The following FGF10 variants were observed in gnomAD, a reference collection of about 807,000 sequenced individuals.
FGF10 encodes the protein FGF-10.
FGF10 carries 2 observed loss-of-function variants against 19.8 expected under a neutral mutation model. That is an observed-to-expected ratio of 0.10 (90% CI 0.04 to 0.32). The LOEUF is 0.32. FGF10 is among the 10% of genes least tolerant of loss of function. The pLI, the probability that FGF10 is intolerant of heterozygous loss-of-function variation, is 1.00. For synonymous variants in FGF10, 112 were observed against 94.0 expected (o/e 1.19, Z -1.10); for missense variants, 191 against 246.3 (o/e 0.78, Z 1.50).
intron 1 of FGF10, among the ~76,000 whole-genome samples, chr5:44,354,951 C>T (rs17227739): frequency 0.013 from 1,989 of 151,454 alleles, 83 homozygotes; most frequent in East Asian, 0.12. Flanking sequence ...ATTATAATAC[C>T]AGTTCCCTTT....
At chr5:44,305,578 G>A (rs1010918579) in intron 2 of FGF10, among the ~76,000 whole-genome samples, 4 of 152,002 alleles carry the variant, frequency 2.6e-5, no homozygotes, top group African/African-American at 9.7e-5. Flanking sequence ...AATAACCAGG[G>A]GCCCCATGGG....
intron 1 of FGF10, among the ~76,000 whole-genome samples, chr5:44,385,288 C>A (rs1742072490): frequency 6.6e-6 from 1 of 152,010 alleles, no homozygotes; most frequent in South Asian, 2.1e-4. Context: ...TAATAATCAC[C>A]CATATAGAGA....
rs1371960263 is a variant in FGF10, at chr5:44,304,001, CT to C, written c.*993del. On this transcript the variant is annotated 3_prime_UTR_variant, in exon 3 of 3. Transcript: ENST00000264664. ...TTTTTAGTATATTCTTGGAGGCAAA[CT>C]GATGTATTGAAAGAGAAGAATTTGG... is the stretch of plus-strand genomic sequence containing the variant. 1 of 152,036 alleles carries C rather than the reference CT, an allele frequency of 6.6e-6. No homozygotes were observed. Among genetic ancestry groups the C allele is most frequent in the Non-Finnish European group, 1.5e-5 (1 of 68,004 alleles). The allele number at this position is 152,036 out of a possible 1,614,324, so 9.4% of individuals were successfully genotyped here. A position where few individuals can be genotyped will look rare whatever the true frequency, so the allele number is the denominator to read the frequency against.
At chr5:44,339,079 AG>A (rs1218051905) in intron 1 of FGF10, among the ~76,000 whole-genome samples, 4 of 152,224 alleles carry the variant, frequency 2.6e-5, no homozygotes, top group Non-Finnish European at 5.9e-5. Flanking sequence ...AAGCGATCAA[AG>A]CACACAATGA....
chr5:44,316,318 G>A (rs1008883655), intron 1 of FGF10, among the ~76,000 whole-genome samples: 2 of 152,148 alleles, frequency 1.3e-5, no homozygotes, highest in Non-Finnish European at 1.5e-5. Flanking sequence ...TCATAGGGTT[G>A]CAAAGAATCT....
rs532903103 is a variant in FGF10, at chr5:44,333,870, G to A, written c.326-23340C>T. ...CATTTTTATTCGATCTGTGAGGAGC[G>A]TGGCTGTAGGAAGAGGCAGCGGGAG... On this transcript the variant is annotated intron_variant, in intron 1 of 2. Coordinates refer to ENST00000264664, the MANE Select transcript of FGF10 (RefSeq NM_004465.2). Among the ~76,000 whole-genome samples the A allele has an allele frequency of 2.3e-4, 35 of 152,150 alleles. No individual in the cohort carries two copies. In the South Asian group the frequency reaches 5.2e-3, roughly 23 times the overall value.
intron 1 of FGF10, among the ~76,000 whole-genome samples, chr5:44,333,585 T>C (rs557911488): frequency 1.3e-5 from 2 of 152,300 alleles, no homozygotes; most frequent in African/African-American, 4.8e-5. Context: ...TTCTCCATTA[T>C]ATACATAAGG....
At chr5:44,330,411 T>C (rs1320954506) in intron 1 of FGF10, among the ~76,000 whole-genome samples, 1 of 152,162 alleles carries the variant, frequency 6.6e-6, no homozygotes. Flanking sequence ...CTACCAAACA[T>C]CTGGGAAATA....
intron 1 of FGF10, among the ~76,000 whole-genome samples, chr5:44,338,835 T>C (rs1411481597): frequency 6.6e-6 from 1 of 152,200 alleles, no homozygotes; most frequent in Non-Finnish European, 1.5e-5. Flanking sequence ...GTTATTGTTA[T>C]TGAGCGAGGA....
At chr5:44,385,858 T>C (rs1008308497) in intron 1 of FGF10, among the ~76,000 whole-genome samples, 1 of 152,184 alleles carries the variant, frequency 6.6e-6, no homozygotes, top group Non-Finnish European at 1.5e-5. Context: ...CCTGGCCACA[T>C]GTGAAATTAA....
chr5:44,302,117 G>C lies in FGF10; in HGVS notation c.*2878C>G, dbSNP rs750617091. 1.3e-5 allele frequency among the ~76,000 whole-genome samples: 2 copies of C among 149,576 alleles called. No individual in the cohort carries two copies. The highest frequency in any genetic ancestry group is 2.5e-5 in the African/African-American group (1 of 40,532). On this transcript the variant is annotated 3_prime_UTR_variant, in exon 3 of 3. Transcript: ENST00000264664. Reference sequence around the variant, plus strand: ...ATCTACAACATTCAGGGCTGAAACTGCTTTTTTTTTTCTTCAGTAGTTGCA... The same window carrying C: ...ATCTACAACATTCAGGGCTGAAACTCCTTTTTTTTTTCTTCAGTAGTTGCA...
rs114290697 is a variant in FGF10, at chr5:44,339,913, C to G, written c.326-29383G>C. Among the ~76,000 whole-genome samples, 619 of 152,238 alleles carry G rather than the reference C, an allele frequency of 4.1e-3. 4 individuals are homozygous for G. The highest frequency in any genetic ancestry group is 0.014 in the African/African-American group (593 of 41,550). Reference sequence around the variant, plus strand: ...AATTAAGGTAGAACTTTGCTCATTTCTCTTGAGTTGAACTTTCTTTCTCCA... The same window carrying G: ...AATTAAGGTAGAACTTTGCTCATTTGTCTTGAGTTGAACTTTCTTTCTCCA... On this transcript the variant is annotated intron_variant, in intron 1 of 2. Transcript: ENST00000264664.
At chr5:44,323,429 A>G (rs922628363) in intron 1 of FGF10, among the ~76,000 whole-genome samples, 3 of 152,216 alleles carry the variant, frequency 2.0e-5, no homozygotes, top group Non-Finnish European at 4.4e-5. Flanking sequence ...CTGACATTAT[A>G]GTACAGATAA....
chr5:44,388,824 A>G lies in FGF10; in HGVS notation c.-142T>C. 1 of 795,886 alleles carries G rather than the reference A, an allele frequency of 1.3e-6. No homozygotes were observed. The highest frequency in any genetic ancestry group is 2.2e-6 in the Non-Finnish European group (1 of 461,218). The allele number at this position is 795,886 out of a possible 1,614,324, so 49.3% of individuals were successfully genotyped here. The stretch of plus-strand genomic sequence containing the variant: ...TGGGCGCGGATCTGGCCAGAAGTGA[A>G]TGCACCAACATCCATAACTCCTCGG... On this transcript the variant is annotated 5_prime_UTR_variant, in exon 1 of 3. Transcript: ENST00000264664.
chr5:44,341,996 G>A (rs2111792001), intron 1 of FGF10, among the ~76,000 whole-genome samples: 1 of 151,966 alleles, frequency 6.6e-6, no homozygotes, highest in East Asian at 1.9e-4. Context: ...AGAGGGGAAA[G>A]CAATATTGTC....
In FGF10 at chr5:44,312,958, A is replaced by G. The variant is rs191193426; in HGVS notation, c.326-2428T>C. ...GGATGAACTGCAAGTGGTATTGTAG[A>G]TTATATTTAGCTTAGATACCCCTTT... On this transcript the variant is annotated intron_variant, in intron 1 of 2. Transcript: ENST00000264664. 2.4e-4 allele frequency among the ~76,000 whole-genome samples: 36 copies of G among 152,162 alleles called. No homozygotes were observed. In the East Asian group the frequency reaches 6.8e-3, roughly 29 times the overall value.
At chr5:44,316,827 C>A (rs1740362655) in intron 1 of FGF10, among the ~76,000 whole-genome samples, 1 of 152,154 alleles carries the variant, frequency 6.6e-6, no homozygotes, top group Non-Finnish European at 1.5e-5. Context: ...TGATAGTCAT[C>A]AGAATCTTTA....
intron 1 of FGF10, among the ~76,000 whole-genome samples, chr5:44,375,970 T>C (rs1741846555): frequency 6.6e-6 from 1 of 152,142 alleles, no homozygotes; most frequent in South Asian, 2.1e-4. Context: ...TGAGAATCAA[T>C]TGATGAAAGC....
intron 1 of FGF10, among the ~76,000 whole-genome samples, chr5:44,378,849 C>G (rs1418773876): frequency 6.6e-6 from 1 of 152,148 alleles, no homozygotes; most frequent in Non-Finnish European, 1.5e-5. Context: ...CTGATGTTTC[C>G]CCTTGAAATA....
Sources: allele counts gnomAD v4.1 joint callset (sites outside exome capture counted in the v4.1 genomes callset), GRCh38; gene constraint gnomAD v4.1.1; transcripts MANE v1.5; gene names NCBI Gene and HGNC (gene_info 2026-07-23, HGNC 2026-07-21).